Variants in ZC3H3 observed in about 807,000 individuals in gnomAD.
ZC3H3 encodes the protein zinc finger CCCH domain-containing protein 3.
ZC3H3 carries 36 observed loss-of-function variants against 77.3 expected under a neutral mutation model. The observed-to-expected ratio is 0.47, with a 90% CI of 0.36 to 0.61. The LOEUF (loss-of-function observed/expected upper bound fraction) is 0.61, where lower values mean the gene tolerates loss of function less well. ZC3H3 is among the 20% of genes least tolerant of loss of function. The pLI, the probability that ZC3H3 is intolerant of heterozygous loss-of-function variation, is 0.00. For synonymous variants in ZC3H3, 626 were observed against 555.2 expected (o/e 1.13, Z -1.79); for missense variants, 1,331 against 1,312.2 (o/e 1.01, Z -0.22).
chr8:143,438,541 G>A (rs574899955), intron 11 of ZC3H3, among the ~76,000 whole-genome samples: 2 of 152,306 alleles, frequency 1.3e-5, no homozygotes, highest in East Asian at 3.9e-4. Flanking sequence ...CACAAGCTGT[G>A]GCGGGGAGGG....
intron 9 of ZC3H3, among the ~76,000 whole-genome samples, chr8:143,464,016 C>G (rs914497707): frequency 6.6e-6 from 1 of 152,258 alleles, no homozygotes; most frequent in African/African-American, 2.4e-5. Flanking sequence ...TATAAACTCT[C>G]TGGGGCCCAT....
intron 9 of ZC3H3, among the ~76,000 whole-genome samples, chr8:143,461,871 C>T (rs558919953): frequency 1.4e-4 from 22 of 151,780 alleles, no homozygotes; most frequent in African/African-American, 5.1e-4. Flanking sequence ...CTGAAAGCTG[C>T]GCTGTGGTGC....
chr8:143,537,873 G>A (rs1822853083), intron 2 of ZC3H3, 130 bp downstream of exon 2: 1 of 1,034,070 alleles, frequency 9.7e-7, no homozygotes. Context: ...AGCACTTCCT[G>A]CCTCATTTCT....
intron 4 of ZC3H3, among the ~76,000 whole-genome samples, chr8:143,481,860 A>G (rs1820917087): frequency 6.6e-6 from 1 of 152,222 alleles, no homozygotes; most frequent in Admixed American, 6.5e-5. Context: ...CAGGGCCCTC[A>G]GCCTCACCAC....
Position 143,475,565 on chromosome 8 carries a change from A to C in ZC3H3, c.1736T>G (p.Leu579Arg). ...CCCACCCCCGCTGGCAACTGGACGC[A>C]GGCGGTTCAGCACCAGGGACCTGCA... Reference protein sequence around the residue: ...SLSRSLVLNRLRPVASGGGKA... With the variant: ...SLSRSLVLNRRRPVASGGGKA... The change falls in exon 5 of 12, where the codon CTG becomes CGG. Residue 579 changes from leucine to arginine, a missense_variant. Physicochemically the swap from Leu to Arg is moderately radical, Grantham distance 102 (BLOSUM62 -2). This residue lies in a region of ZC3H3 where 978 missense variants were observed against 915.5 expected (regional missense o/e 1.07). Transcript: ENST00000262577. 1 of 1,603,800 alleles carries C rather than the reference A, an allele frequency of 6.2e-7. No homozygotes were observed. Among genetic ancestry groups the C allele is most frequent in the Non-Finnish European group, 8.5e-7 (1 of 1,175,702 alleles).
rs2382958 is a variant in ZC3H3, at chr8:143,531,220, A to C, written c.1561+5037T>G. On this transcript the variant is annotated intron_variant, in intron 3 of 11. Coordinates refer to ENST00000262577, the MANE Select transcript of ZC3H3 (RefSeq NM_015117.3). Reference sequence around the variant, plus strand: ...AGTAATCACCCGCCTCAGCCTCCCAAAGTGTTGGGATTCCAGGCATGAGCC... The same window carrying C: ...AGTAATCACCCGCCTCAGCCTCCCACAGTGTTGGGATTCCAGGCATGAGCC... 8.4e-3 allele frequency among the ~76,000 whole-genome samples: 1,283 copies of C among 152,026 alleles called. 9 individuals are homozygous for C. Among genetic ancestry groups the C allele is most frequent in the African/African-American group, 0.029 (1,215 of 41,454 alleles).
intron 9 of ZC3H3, among the ~76,000 whole-genome samples, chr8:143,463,594 A>G (rs1464604326): frequency 6.6e-6 from 1 of 152,078 alleles, no homozygotes; most frequent in Non-Finnish European, 1.5e-5. Context: ...CTAAGGGGAG[A>G]AGGTGGAGTT....
chr8:143,503,993 GAGGGCGCGTGTGCCAAATCACCC>G (rs1821612085), intron 4 of ZC3H3, among the ~76,000 whole-genome samples: 4 of 152,242 alleles, frequency 2.6e-5, no homozygotes, highest in Non-Finnish European at 4.4e-5. Context: ...GGGGGAGAGA[GAGGGCGCGTGTGCCAAATCACCC>G]CCTGGGACAG....
At chr8:143,499,461 C>T (rs1273030182) in intron 4 of ZC3H3, among the ~76,000 whole-genome samples, 3 of 152,178 alleles carry the variant, frequency 2.0e-5, no homozygotes, top group South Asian at 2.1e-4. Flanking sequence ...CCTAGACCTG[C>T]GCCCAGCCGG....
intron 3 of ZC3H3, among the ~76,000 whole-genome samples, chr8:143,531,977 T>C (rs1822626397): frequency 6.6e-6 from 1 of 152,278 alleles, no homozygotes; most frequent in African/African-American, 2.4e-5. Flanking sequence ...TGACGGAATT[T>C]CTAATGCCAG....
Position 143,539,046 on chromosome 8 carries a change from C to A in ZC3H3, c.321G>T (p.Gln107His). ...GGACCTGTCTCTCAAGGACATGCTG[C>A]TGCGGGACAGGAGGCTGGCCCCCCC... is the stretch of plus-strand genomic sequence containing the variant. ...GARGGQPPVP[Q>H]QHVLERQVQL... is the part of the protein sequence containing the mutation. The change falls in exon 2 of 12, where the codon CAG becomes CAT. Residue 107 changes from glutamine (Q) to histidine (H), a missense_variant. By Grantham distance (24) the Gln-to-His change is conservative. Coordinates refer to ENST00000262577, the MANE Select transcript of ZC3H3 (RefSeq NM_015117.3). 6.2e-7 allele frequency: 1 copy of A among 1,613,040 alleles called. No homozygotes were observed. Among genetic ancestry groups the A allele is most frequent in the Non-Finnish European group, 8.5e-7 (1 of 1,180,028 alleles).
intron 3 of ZC3H3, among the ~76,000 whole-genome samples, chr8:143,527,912 G>T (rs1375853522): frequency 6.6e-6 from 1 of 152,222 alleles, no homozygotes; most frequent in African/African-American, 2.4e-5. Flanking sequence ...AAGGAGAACG[G>T]GCAGACAGGG....
At chr8:143,516,836 T>G (rs938024860) in intron 3 of ZC3H3, among the ~76,000 whole-genome samples, 2 of 152,156 alleles carry the variant, frequency 1.3e-5, no homozygotes, top group Non-Finnish European at 2.9e-5. Context: ...TGACAAACAT[T>G]TACGGATTAT....
intron 5 of ZC3H3, 124 bp downstream of exon 5, chr8:143,475,273 CA>C: frequency 1.6e-6 from 2 of 1,217,700 alleles, no homozygotes; most frequent in Non-Finnish European, 2.2e-6. Context: ...CTCCCCAAGA[CA>C]GGGGCGTGAG....
chr8:143,506,492 G>C (rs1821700699), intron 4 of ZC3H3, among the ~76,000 whole-genome samples: 1 of 152,156 alleles, frequency 6.6e-6, no homozygotes, highest in East Asian at 1.9e-4. Context: ...AAGAAAATTA[G>C]ATCCACTTAG....
At chr8:143,518,687 G>A (rs968178496) in intron 3 of ZC3H3, among the ~76,000 whole-genome samples, 1 of 152,234 alleles carries the variant, frequency 6.6e-6, no homozygotes, top group Non-Finnish European at 1.5e-5. Flanking sequence ...ACAGCACCGG[G>A]GCCAGGCCCA....
At chr8:143,468,757 C>T in intron 5 of ZC3H3, 98 bp from the exon 6 acceptor site, 1 of 1,427,850 alleles carries the variant, frequency 7.0e-7, no homozygotes, top group Non-Finnish European at 9.3e-7. Context: ...GGGGTCCCAA[C>T]ACTCAGCTCA....
intron 4 of ZC3H3, among the ~76,000 whole-genome samples, chr8:143,506,084 G>A (rs918773391): frequency 6.6e-6 from 1 of 152,238 alleles, no homozygotes; most frequent in African/African-American, 2.4e-5. Context: ...CTCAGCCCCA[G>A]GGCATGGGCA....
intron 11 of ZC3H3, 62 bp from the exon 12 acceptor site, chr8:143,438,149 A>G: frequency 6.4e-7 from 1 of 1,569,764 alleles, no homozygotes; most frequent in Middle Eastern, 1.7e-4. Flanking sequence ...CCCAGCCTGC[A>G]AAGCTCCTGA....
Sources: gnomAD v4.1 joint callset for allele counts (sites outside exome capture counted in the v4.1 genomes callset) on GRCh38, gnomAD v4.1.1 for gene constraint, gnomAD v4.1.1 regional missense constraint, MANE v1.5 for transcripts, NCBI Gene and HGNC (gene_info 2026-07-23, HGNC 2026-07-21) for gene names.